Variants in SGIP1 observed in about 807,000 individuals in gnomAD.
The protein encoded by SGIP1 is SH3-containing GRB2-like protein 3-interacting protein 1.
SGIP1 carries 38 observed loss-of-function variants against 107.5 expected under a neutral mutation model. That is an observed-to-expected ratio of 0.35 (90% confidence interval 0.27 to 0.46). The LOEUF (loss-of-function observed/expected upper bound fraction) is 0.46, where lower values mean the gene tolerates loss of function less well. Ranked by LOEUF, SGIP1 falls within the 20% of genes least tolerant of loss-of-function variation. SGIP1 has a pLI of 1.00. For synonymous variants in SGIP1, 365 were observed against 366.1 expected, an observed-to-expected ratio of 1.00 and a Z score of 0.03; for missense variants, 929 against 1,019.5, an observed-to-expected ratio of 0.91 and a Z score of 1.21.
At chr1:66,536,679 A>T (rs2053685783) in intron 1 of SGIP1, among the ~76,000 whole-genome samples, 1 of 152,200 alleles carries the variant, frequency 6.6e-6, no homozygotes, top group Non-Finnish European at 1.5e-5. Flanking sequence ...CAAATTTGTC[A>T]TGGCAGCTCT....
In SGIP1 at chr1:66,534,344, T is replaced by C; in HGVS notation, c.-15T>C. ...TTCAGACTCCTTGGAAATTAAGGAA[T>C]GCAATTCTGCCACCATGATGGAAGG... On this transcript the variant is annotated 5_prime_UTR_variant, in exon 1 of 25. It removes an upstream start codon present in the reference 5' UTR. Coordinates refer to ENST00000371037, the MANE Select transcript of SGIP1 (RefSeq NM_032291.4). 6.2e-7 allele frequency: 1 copy of C among 1,614,154 alleles called. No individual in the cohort carries two copies. Among genetic ancestry groups the C allele is most frequent in the Non-Finnish European group, 8.5e-7 (1 of 1,180,000 alleles).
intron 18 of SGIP1, among the ~76,000 whole-genome samples, chr1:66,696,100 A>G (rs1003945261): frequency 6.6e-6 from 1 of 152,238 alleles, no homozygotes; most frequent in Non-Finnish European, 1.5e-5. Flanking sequence ...TGGACTTGCC[A>G]TTTAGAAGAT....
At position 66,743,358 on chromosome 1, in the gene SGIP1, G is replaced by T; in HGVS notation, c.*263G>T. On this transcript the variant is annotated 3_prime_UTR_variant, in exon 25 of 25. Coordinates refer to ENST00000371037, the MANE Select transcript of SGIP1 (RefSeq NM_032291.4). ...TAAATTGTACTCTCATTCCAGTAAG[G>T]CAGTTAGACACTTGAGTTTTAGCAT... 1 of 309,868 alleles carries T rather than the reference G, an allele frequency of 3.2e-6. No individual in the cohort carries two copies. The allele number at this position is 309,868 out of a possible 1,614,324, so 19.2% of individuals were successfully genotyped here.
chr1:66,562,956 T>C (rs2059161863), intron 1 of SGIP1, among the ~76,000 whole-genome samples: 1 of 152,034 alleles, frequency 6.6e-6, no homozygotes, highest in Non-Finnish European at 1.5e-5. Context: ...TAATCCTTTG[T>C]TATTCCATAT....
chr1:66,613,372 C>G (rs2068457664), intron 1 of SGIP1, among the ~76,000 whole-genome samples: 2 of 152,162 alleles, frequency 1.3e-5, no homozygotes, highest in South Asian at 4.2e-4. Flanking sequence ...CTCTGTCGTC[C>G]ACGAGGGAGT....
intron 7 of SGIP1, among the ~76,000 whole-genome samples, chr1:66,647,795 G>C (rs1202523394): frequency 1.3e-5 from 2 of 152,116 alleles, no homozygotes; most frequent in South Asian, 2.1e-4. Context: ...TTTAAGGCAG[G>C]CTGTTCCATT....
intron 2 of SGIP1, chr1:66,626,215 T>C (rs976874173): frequency 5.1e-6 from 1 of 194,930 alleles, no homozygotes; most frequent in Non-Finnish European, 1.0e-5. Context: ...GTTACTTTTA[T>C]GAAGGATAAA....
intron 1 of SGIP1, among the ~76,000 whole-genome samples, chr1:66,560,215 G>T (rs961400210): frequency 6.6e-6 from 1 of 151,906 alleles, no homozygotes; most frequent in Non-Finnish European, 1.5e-5. Context: ...AACCTTTACC[G>T]CAGCTTTCTA....
At chr1:66,641,824 C>G (rs1021221538) in intron 5 of SGIP1, among the ~76,000 whole-genome samples, 10 of 152,156 alleles carry the variant, frequency 6.6e-5, no homozygotes, top group African/African-American at 2.4e-4. Context: ...TACCAGCACT[C>G]TCCCACAATT....
At chr1:66,571,142 A>G (rs1569609298) in intron 1 of SGIP1, among the ~76,000 whole-genome samples, 1 of 152,146 alleles carries the variant, frequency 6.6e-6, no homozygotes, top group South Asian at 2.1e-4. Context: ...AGAGTAAACT[A>G]CAAGTTATAG....
chr1:66,572,215 C>A (rs12131909), intron 1 of SGIP1, among the ~76,000 whole-genome samples: 1 of 151,822 alleles, frequency 6.6e-6, no homozygotes, highest in Non-Finnish European at 1.5e-5. Context: ...TGTTTTTCTC[C>A]TATCCTATAA....
At chr1:66,596,270 C>A (rs1469549957) in intron 1 of SGIP1, among the ~76,000 whole-genome samples, 3 of 149,194 alleles carry the variant, frequency 2.0e-5, no homozygotes, top group African/African-American at 7.4e-5. Flanking sequence ...ATAAAGAGGG[C>A]AGAAAAGAAT....
In SGIP1 at chr1:66,536,014, T is replaced by C. The variant is rs570486771; in HGVS notation, c.10+1646T>C. Among the ~76,000 whole-genome samples the C allele has an allele frequency of 1.2e-4, 18 of 152,362 alleles. No individual in the cohort carries two copies. The South Asian group carries it at 3.7e-3, about 32-fold the overall frequency. On this transcript the variant is annotated intron_variant, in intron 1 of 24. Coordinates refer to ENST00000371037, the MANE Select transcript of SGIP1 (RefSeq NM_032291.4). Reference sequence around the variant, plus strand: ...CCTTGCAAACCATGGCACTAAAGTATCTTCTTTGAAGGTTGTAACGTTTTT... The same window carrying C: ...CCTTGCAAACCATGGCACTAAAGTACCTTCTTTGAAGGTTGTAACGTTTTT...
At chr1:66,593,200 G>A (rs1298843328) in intron 1 of SGIP1, among the ~76,000 whole-genome samples, 3 of 152,008 alleles carry the variant, frequency 2.0e-5, no homozygotes, top group Non-Finnish European at 4.4e-5. Flanking sequence ...ACCTACTGAA[G>A]GACATCATGG....
At chr1:66,612,209 A>G (rs2068173912) in intron 1 of SGIP1, among the ~76,000 whole-genome samples, 1 of 152,166 alleles carries the variant, frequency 6.6e-6, no homozygotes, top group South Asian at 2.1e-4. Flanking sequence ...CTTTTTAACA[A>G]CCAGCTCTCA....
chr1:66,625,769 T>G (rs2072520347), intron 1 of SGIP1, 78 bp from the exon 2 acceptor site: 1 of 1,248,372 alleles, frequency 8.0e-7, no homozygotes, highest in Non-Finnish European at 1.2e-6. Context: ...TAAGTCTAAC[T>G]GGTGTGTTAC....
intron 1 of SGIP1, among the ~76,000 whole-genome samples, chr1:66,606,013 G>C (rs899758655): frequency 2.0e-5 from 3 of 152,180 alleles, no homozygotes; most frequent in Admixed American, 2.0e-4. Flanking sequence ...CTTTTCATCT[G>C]GGGAAGATCT....
chr1:66,734,855 A>T (rs959064420), intron 21 of SGIP1, among the ~76,000 whole-genome samples: 4 of 152,092 alleles, frequency 2.6e-5, no homozygotes, highest in African/African-American at 7.2e-5. Context: ...GACAGGTACA[A>T]TTGTATGTCT....
intron 21 of SGIP1, 123 bp from the exon 22 acceptor site, chr1:66,739,212 C>T (rs1030483117): frequency 2.0e-5 from 20 of 1,017,106 alleles, no homozygotes; most frequent in Non-Finnish European, 2.3e-5. Flanking sequence ...TCTCACAGCA[C>T]GCTTCACGGT....
Sources: allele counts gnomAD v4.1 joint callset (sites outside exome capture counted in the v4.1 genomes callset), GRCh38; gene constraint gnomAD v4.1.1; transcripts MANE v1.5; gene names NCBI Gene and HGNC (gene_info 2026-07-23, HGNC 2026-07-21).